Variants in RNF38 observed in about 807,000 individuals in gnomAD.
RNF38 encodes the protein E3 ubiquitin-protein ligase RNF38.
Under a neutral mutation model 67.2 loss-of-function variants are expected in RNF38, and 15 were observed. That is an observed-to-expected ratio of 0.22 (90% CI 0.15 to 0.34). The LOEUF (loss-of-function observed/expected upper bound fraction) is 0.34, where lower values mean the gene tolerates loss of function less well. Among genes scored for constraint, RNF38 ranks in the 10% least tolerant of loss-of-function variants. The probability of loss-of-function intolerance (pLI) is 1.00; values close to 1 mark genes in which losing one functional copy is unlikely to be tolerated. For synonymous variants in RNF38, 220 were observed against 218.8 expected (o/e 1.01, Z -0.05); for missense variants, 524 against 639.9 (o/e 0.82, Z 1.95).
intron 1 of RNF38, among the ~76,000 whole-genome samples, chr9:36,426,771 C>CA (rs1838783492): frequency 6.6e-6 from 1 of 152,192 alleles, no homozygotes; most frequent in Admixed American, 6.5e-5. Context: ...ACTTTGGAGT[C>CA]AGACTTCAAT....
chr9:36,451,026 C>T (rs560666312), intron 1 of RNF38, among the ~76,000 whole-genome samples: 1 of 152,266 alleles, frequency 6.6e-6, no homozygotes, highest in African/African-American at 2.4e-5. Context: ...TACTTAAATA[C>T]GACTGAACCT....
chr9:36,390,503 G>C lies in RNF38; in HGVS notation c.126C>G (p.Thr42=). 1.9e-6 allele frequency: 3 copies of C among 1,613,860 alleles called. No individual in the cohort carries two copies. The highest frequency in any genetic ancestry group is 1.1e-5 in the South Asian group (1 of 91,060). ...FPLLPSDQNT[T]VQEDAHFKAF... ...CTTTGAAGTGAGCATCCTCTTGAAC[G>C]GTAGTGTTCTGATCACTTGGGAGGA... Residue 42 remains threonine (T), a synonymous_variant, in exon 2 of 12, where the codon ACC becomes ACG. Coordinates refer to ENST00000259605, the MANE Select transcript of RNF38 (RefSeq NM_022781.5).
At position 36,339,480 on chromosome 9, in the gene RNF38, C is replaced by T; in HGVS notation, c.*272G>A. On this transcript the variant is annotated 3_prime_UTR_variant, in exon 12 of 12. Transcript: ENST00000259605. ...ATCTTGCAGCAACACTCGGAATGAT[C>T]ACACAAAAACCAGGGAATGTTAGTG... 1 of 417,158 alleles carries T rather than the reference C, an allele frequency of 2.4e-6. No homozygotes were observed. The highest frequency in any genetic ancestry group is 4.4e-6 in the Non-Finnish European group (1 of 229,130). The allele number at this position is 417,158 out of a possible 1,614,324, so 25.8% of individuals were successfully genotyped here.
chr9:36,391,932 G>A (rs927170178), intron 1 of RNF38, among the ~76,000 whole-genome samples: 2 of 152,182 alleles, frequency 1.3e-5, no homozygotes, highest in Admixed American at 6.5e-5. Flanking sequence ...CTTTCAAAAA[G>A]TATATGCTAT....
intron 1 of RNF38, among the ~76,000 whole-genome samples, chr9:36,433,821 T>TA (rs1183790582): frequency 6.6e-6 from 1 of 152,058 alleles, no homozygotes; most frequent in Non-Finnish European, 1.5e-5. Context: ...AGAAGTTTGA[T>TA]AACACACTAT....
At chr9:36,398,078 C>T (rs1287499724) in intron 1 of RNF38, among the ~76,000 whole-genome samples, 1 of 152,118 alleles carries the variant, frequency 6.6e-6, no homozygotes, top group African/African-American at 2.4e-5. Context: ...TATTAAATAA[C>T]AATCATAATT....
chr9:36,376,488 T>G (rs1835794443), intron 2 of RNF38, among the ~76,000 whole-genome samples: 1 of 152,134 alleles, frequency 6.6e-6, no homozygotes. Flanking sequence ...TACACTACAA[T>G]CTCCCATCAA....
intron 2 of RNF38, among the ~76,000 whole-genome samples, chr9:36,416,214 A>T (rs1371059914): frequency 2.9e-5 from 2 of 70,028 alleles, no homozygotes; most frequent in Non-Finnish European, 5.6e-5. Flanking sequence ...GGGAGATGGG[A>T]GGATGGGGGA....
upstream of RNF38, among the ~76,000 whole-genome samples, chr9:36,405,400 A>G (rs1838153033): frequency 1.3e-5 from 2 of 152,236 alleles, no homozygotes; most frequent in East Asian, 1.9e-4. Context: ...ATTTCTAATC[A>G]GCCCATTTTA....
rs2133279923 is a variant in RNF38 at position 36,338,011 on chromosome 9, G to C, written c.*1741C>G. On this transcript the variant is annotated 3_prime_UTR_variant, in exon 12 of 12. Transcript: ENST00000259605. ...AGGGCAAGCAGCATGGCAGTAACAA[G>C]TAGTTAACACTGAATGGAAAACTGA... 1 of 152,734 alleles carries C rather than the reference G, an allele frequency of 6.5e-6. No individual in the cohort carries two copies. The allele number at this position is 152,734 out of a possible 1,614,324, so 9.5% of individuals were successfully genotyped here.
At chr9:36,346,025 A>G (rs1833203519) in intron 9 of RNF38, among the ~76,000 whole-genome samples, 1 of 152,236 alleles carries the variant, frequency 6.6e-6, no homozygotes, top group African/African-American at 2.4e-5. Context: ...AATTCATTAA[A>G]AATGGCAAAA....
chr9:36,362,389 C>A (rs1834618184), intron 4 of RNF38, among the ~76,000 whole-genome samples: 1 of 150,926 alleles, frequency 6.6e-6, no homozygotes, highest in Non-Finnish European at 1.5e-5. Context: ...TTTCATATTT[C>A]TTTTCAGAAA....
chr9:36,460,055 C>T (rs1839690937), intron 1 of RNF38, among the ~76,000 whole-genome samples: 1 of 152,110 alleles, frequency 6.6e-6, no homozygotes, highest in South Asian at 2.1e-4. Flanking sequence ...TTCTTAATAT[C>T]TAAAAACCCT....
intron 1 of RNF38, among the ~76,000 whole-genome samples, chr9:36,486,821 C>A (rs1840424686): frequency 6.6e-6 from 1 of 152,130 alleles, no homozygotes. Flanking sequence ...TACTCCCAAA[C>A]CAGCCCAAAA....
At chr9:36,411,573 T>C (rs1196108710) in intron 2 of RNF38, among the ~76,000 whole-genome samples, 1 of 152,192 alleles carries the variant, frequency 6.6e-6, no homozygotes, top group Non-Finnish European at 1.5e-5. Flanking sequence ...TGACATTTTT[T>C]TTCCTTGAGA....
intron 4 of RNF38, among the ~76,000 whole-genome samples, chr9:36,366,544 TTA>T (rs1834978520): frequency 6.6e-6 from 1 of 152,226 alleles, no homozygotes; most frequent in Non-Finnish European, 1.5e-5. Context: ...GTTCTAACAA[TTA>T]CCTAAGATGC....
intron 2 of RNF38, among the ~76,000 whole-genome samples, chr9:36,413,574 G>T (rs1040350520): frequency 6.6e-6 from 1 of 152,164 alleles, no homozygotes; most frequent in African/African-American, 2.4e-5. Flanking sequence ...GGGAGCAGGG[G>T]GCAAGAAATA....
At chr9:36,448,986 T>A (rs2134326624) in intron 1 of RNF38, among the ~76,000 whole-genome samples, 1 of 150,688 alleles carries the variant, frequency 6.6e-6, no homozygotes, top group Non-Finnish European at 1.5e-5. Context: ...AAAGCGAGAC[T>A]CCGTCTCAAA....
chr9:36,429,022 C>T (rs1838859428), intron 1 of RNF38, among the ~76,000 whole-genome samples: 1 of 152,136 alleles, frequency 6.6e-6, no homozygotes, highest in South Asian at 2.1e-4. Flanking sequence ...CAAGTCTACC[C>T]TAGACACTGG....
Sources: allele counts gnomAD v4.1 joint callset (sites outside exome capture counted in the v4.1 genomes callset), GRCh38; gene constraint gnomAD v4.1.1; transcripts MANE v1.5; gene names NCBI Gene and HGNC (gene_info 2026-07-23, HGNC 2026-07-21).